The following MTSS1 variants were observed in gnomAD, a reference collection of about 807,000 sequenced individuals.
MTSS1 encodes the protein MTSS I-BAR domain containing 1.
In MTSS1, 18 loss-of-function variants were observed where a neutral mutation model predicts 79.0. The ratio of observed to expected loss-of-function variants is 0.23; its 90% CI spans 0.16 to 0.34. The LOEUF (loss-of-function observed/expected upper bound fraction) is 0.34, where lower values mean the gene tolerates loss of function less well. MTSS1 is among the 10% of genes least tolerant of loss of function. The pLI, the probability that MTSS1 is intolerant of heterozygous loss-of-function variation, is 1.00. For synonymous variants in MTSS1, 341 were observed against 368.6 expected (o/e 0.93, Z 0.86); for missense variants, 815 against 986.2 (o/e 0.83, Z 2.33).
intron 3 of MTSS1, among the ~76,000 whole-genome samples, chr8:124,670,561 T>G (rs941927701): frequency 3.9e-5 from 6 of 152,166 alleles, no homozygotes; most frequent in Non-Finnish European, 7.3e-5. Flanking sequence ...TCAGCAAACA[T>G]GATACACTTA....
chr8:124,595,120 G>A (rs79228312), intron 3 of MTSS1, among the ~76,000 whole-genome samples: 2,878 of 151,930 alleles, frequency 0.019, 98 homozygotes, highest in African/African-American at 0.066. Context: ...CTGGAGGCAG[G>A]ACCAGGGACT....
At position 124,589,703 on chromosome 8, in the gene MTSS1, A is replaced by G. The variant is rs1233394532; in HGVS notation, c.302T>C (p.Ile101Thr). The change falls in exon 5 of 14, where the codon ATT becomes ACT. Residue 101 changes from isoleucine (I) to threonine (T), a missense_variant. Transcript: ENST00000518547. Reference protein sequence around the residue: ...AKLRQFSSALIDCLINPLQEQ... With the variant: ...AKLRQFSSALTDCLINPLQEQ... ...TTGAAGTGGGTTTATCAGACAATCA[A>G]TTAAAGCGCTTTTACCAAGCGGGGG... The G allele has an allele frequency of 1.2e-6, 2 of 1,610,968 alleles. No homozygotes were observed. The highest frequency in any genetic ancestry group is 1.7e-6 in the Non-Finnish European group (2 of 1,178,852).
At position 124,568,402 on chromosome 8, in the gene MTSS1, T is replaced by G; in HGVS notation, c.595A>C (p.Ile199Leu). ...IEERGRFCTF[I>L]SMLRPVIEEE... Reference sequence around the variant, plus strand: ...ACAATCACTGGCCGCAGCATAGAGATGAAGGTACAGAATCGGCCACGTTCT... The same window carrying G: ...ACAATCACTGGCCGCAGCATAGAGAGGAAGGTACAGAATCGGCCACGTTCT... The change falls in exon 7 of 14, where the codon ATC becomes CTC. Residue 199 changes from isoleucine to leucine, a missense_variant. Transcript: ENST00000518547. The G allele has an allele frequency of 6.2e-7, 1 of 1,614,040 alleles. No homozygotes were observed.
At chr8:124,563,059 G>A (rs985232008) in intron 9 of MTSS1, 67 bp from the exon 10 acceptor site, 25 of 1,317,824 alleles carry the variant, frequency 1.9e-5, no homozygotes, top group Non-Finnish European at 2.5e-5. Flanking sequence ...GTGGTAAGAG[G>A]AAGGAGGAAG....
At chr8:124,596,869 A>C (rs1454191565) in intron 3 of MTSS1, among the ~76,000 whole-genome samples, 1 of 152,100 alleles carries the variant, frequency 6.6e-6, no homozygotes, top group Admixed American at 6.6e-5. Context: ...ACACGTGTGA[A>C]GGCATTCCTG....
intron 3 of MTSS1, among the ~76,000 whole-genome samples, chr8:124,646,931 C>T (rs985373043): frequency 6.6e-6 from 1 of 152,144 alleles, no homozygotes; most frequent in Non-Finnish European, 1.5e-5. Flanking sequence ...GTCCTCCCAT[C>T]GAACTCTGGC....
chr8:124,602,207 A>ACACACACACACATATAT, intron 3 of MTSS1, among the ~76,000 whole-genome samples: 4 of 142,212 alleles, frequency 2.8e-5, no homozygotes, highest in South Asian at 2.2e-4. Context: ...ATATATATAT[A>ACACACACACACATATAT]ATTTTTTTTT....
At chr8:124,681,154 T>C (rs140980327) in intron 3 of MTSS1, among the ~76,000 whole-genome samples, 1 of 150,658 alleles carries the variant, frequency 6.6e-6, no homozygotes, top group Non-Finnish European at 1.5e-5. Flanking sequence ...TTTAAAACCT[T>C]AGACAAATGT....
rs754254067 is a variant in MTSS1 at position 124,648,217 on chromosome 8, T to C, written c.208+51309A>G. 4.8e-4 allele frequency among the ~76,000 whole-genome samples: 73 copies of C among 152,276 alleles called. 1 individual carries two copies. The highest frequency in any genetic ancestry group is 3.4e-3 in the Middle Eastern group (1 of 294). ...CAGAGTTGCTCCAAAGATTATGAGTTGATGTTCAGAAGCAGATGAGTGATC... is the reference window on the plus strand; with the variant it reads ...CAGAGTTGCTCCAAAGATTATGAGTCGATGTTCAGAAGCAGATGAGTGATC... On this transcript the variant is annotated intron_variant, in intron 3 of 13. Transcript: ENST00000518547.
intron 6 of MTSS1, chr8:124,580,034 TTTTGA>T (rs1372470164): frequency 6.6e-6 from 1 of 152,448 alleles, no homozygotes; most frequent in East Asian, 1.9e-4. Flanking sequence ...TAAGAAATAC[TTTTGA>T]TTTATTTTTT....
intron 6 of MTSS1, among the ~76,000 whole-genome samples, chr8:124,574,966 C>T (rs534611101): frequency 1.8e-4 from 28 of 152,200 alleles, no homozygotes; most frequent in African/African-American, 5.8e-4. Context: ...ACAGTTTAAT[C>T]GGTAGGTTTT....
At chr8:124,558,569 G>T in intron 10 of MTSS1, 2 of 1,209,156 alleles carry the variant, frequency 1.7e-6, no homozygotes. Context: ...CCTCAGCCTT[G>T]TCCCACCCTC....
At chr8:124,610,184 C>G (rs1329213771) in intron 3 of MTSS1, among the ~76,000 whole-genome samples, 1 of 152,178 alleles carries the variant, frequency 6.6e-6, no homozygotes, top group Non-Finnish European at 1.5e-5. Context: ...GATCGTGATT[C>G]TTCTTCCATA....
At chr8:124,630,622 C>A (rs371042835) in intron 3 of MTSS1, among the ~76,000 whole-genome samples, 2 of 152,320 alleles carry the variant, frequency 1.3e-5, no homozygotes, top group East Asian at 3.9e-4. Flanking sequence ...TCAGAAACAT[C>A]CGGGTACCAG....
intron 3 of MTSS1, among the ~76,000 whole-genome samples, chr8:124,631,248 T>G (rs1449115518): frequency 1.3e-5 from 2 of 152,072 alleles, no homozygotes; most frequent in African/African-American, 4.8e-5. Flanking sequence ...AGCTGGGTGC[T>G]CCCGAGGACA....
Position 124,553,299 on chromosome 8 carries a change from G to T in MTSS1, c.1961C>A (p.Pro654His), listed in dbSNP as rs1337879990. 1.2e-6 allele frequency: 2 copies of T among 1,614,010 alleles called. No individual in the cohort carries two copies. The highest frequency in any genetic ancestry group is 1.7e-5 in the Admixed American group (1 of 60,002). The change falls in exon 14 of 14, where the codon CCC becomes CAC. Residue 654 changes from proline to histidine, a missense_variant. By Grantham distance (77) the Pro-to-His change is moderately conservative. This residue lies in a region of MTSS1 where 590 missense variants were observed against 620.8 expected (regional missense o/e 0.95). Transcript: ENST00000518547. This position sits in a 1 kb window ranked among gnomAD's most constrained non-coding sequence, Gnocchi z 6.0. The stretch of plus-strand genomic sequence containing the variant: ...GGAGGGCATGCTGGTGACACCTTGG[G>T]GGCCCTCACCCACAGATGGCGACTC... Reference protein sequence around the residue: ...SPESPSVGEGPQGVTSMPSSM... With the variant: ...SPESPSVGEGHQGVTSMPSSM...
chr8:124,588,188 T>C (rs539298241), intron 5 of MTSS1, among the ~76,000 whole-genome samples: 5 of 152,316 alleles, frequency 3.3e-5, no homozygotes, highest in South Asian at 4.1e-4. Context: ...TTTCATGATA[T>C]AGCTTGAAGC....
chr8:124,560,034 A>G (rs1359190621), intron 10 of MTSS1, among the ~76,000 whole-genome samples: 3 of 152,152 alleles, frequency 2.0e-5, no homozygotes, highest in Non-Finnish European at 4.4e-5. Context: ...CAGACACTCA[A>G]CAATGTGTGG....
At chr8:124,702,113 T>C (rs1431935944) in intron 2 of MTSS1, among the ~76,000 whole-genome samples, 1 of 152,196 alleles carries the variant, frequency 6.6e-6, no homozygotes, top group Non-Finnish European at 1.5e-5. Flanking sequence ...AGCTTCAAGA[T>C]CCTCACTGAT....
Sources: gnomAD v4.1 joint callset for allele counts (sites outside exome capture counted in the v4.1 genomes callset) on GRCh38, gnomAD v4.1.1 for gene constraint, gnomAD v4.1.1 regional missense constraint, Gnocchi (gnomAD v3.1) non-coding constraint, MANE v1.5 for transcripts, NCBI Gene and HGNC (gene_info 2026-07-23, HGNC 2026-07-21) for gene names.